NBEA: variants seen among roughly 807,000 people sequenced by gnomAD.
NBEA encodes lysosomal-trafficking regulator 2.
NBEA carries 44 observed loss-of-function variants against 343.4 expected under a neutral mutation model. The ratio of observed to expected loss-of-function variants is 0.13; its 90% confidence interval spans 0.10 to 0.16. The LOEUF is 0.16. Among genes scored for constraint, NBEA ranks in the 10% least tolerant of loss-of-function variants. NBEA has a pLI of 1.00. For synonymous variants in NBEA, 1,175 were observed against 1,238.7 expected, an observed-to-expected ratio of 0.95 and a Z score of 1.08; for missense variants, 2,555 against 3,631.3, an observed-to-expected ratio of 0.70 and a Z score of 7.62.
In NBEA at chr13:35,645,868, G is replaced by T. The variant is rs138771641; in HGVS notation, c.7618-1G>T. 3.4e-4 allele frequency: 528 copies of T among 1,559,362 alleles called. 3 individuals carry two copies. In the African/African-American group the frequency reaches 6.5e-3, roughly 19 times the overall value. On this transcript the variant is annotated splice_acceptor_variant, in intron 49 of 58. Coordinates refer to ENST00000379939, the MANE Select transcript of NBEA (RefSeq NM_001385012.1). LOFTEE classifies it high-confidence loss of function. ...TCTCATTCTTTTTTTTCCCCATTAA[G>T]ATTCCAGAAGCTTATTTCATTAGAG...
intron 36 of NBEA, among the ~76,000 whole-genome samples, chr13:35,345,844 T>C (rs1220928093): frequency 6.6e-6 from 1 of 152,118 alleles, no homozygotes; most frequent in Non-Finnish European, 1.5e-5. Context: ...AAGCTACTTA[T>C]GGCCATTGGA....
At chr13:35,564,561 A>C (rs1420890160) in intron 44 of NBEA, among the ~76,000 whole-genome samples, 10 of 152,180 alleles carry the variant, frequency 6.6e-5, no homozygotes, top group African/African-American at 2.4e-4. Context: ...TAAATTTTCA[A>C]GTTTAGAATT....
chr13:35,199,397 A>T (rs568429825), intron 31 of NBEA, among the ~76,000 whole-genome samples: 1 of 152,164 alleles, frequency 6.6e-6, no homozygotes, highest in East Asian at 1.9e-4. Context: ...CACAGAATCT[A>T]TCATGGGTCT....
chr13:35,059,656 A>T (rs1293985968), intron 8 of NBEA, among the ~76,000 whole-genome samples: 16 of 151,592 alleles, frequency 1.1e-4, no homozygotes, highest in Non-Finnish European at 1.8e-4. Context: ...TAATGTGAAG[A>T]TTGTGTAATG....
At position 35,004,293 on chromosome 13, in the gene NBEA, C is replaced by G. The variant is rs113495175; in HGVS notation, c.295-36640C>G. On this transcript the variant is annotated intron_variant, in intron 1 of 58. Transcript: ENST00000379939. ...GATTTATATTCCTTGGGTGTATACC[C>G]AGGAATGGGATTGCTGGGTCAAATG... is the stretch of plus-strand genomic sequence containing the variant. Among the ~76,000 whole-genome samples the G allele has an allele frequency of 6.4e-3, 968 of 152,210 alleles. 11 individuals are homozygous for G. Among genetic ancestry groups the G allele is most frequent in the African/African-American group, 0.022 (928 of 41,526 alleles).
intron 45 of NBEA, among the ~76,000 whole-genome samples, chr13:35,582,082 T>A (rs2081078116): frequency 6.6e-6 from 1 of 151,912 alleles, no homozygotes; most frequent in South Asian, 2.1e-4. Context: ...GTCAGGAGAT[T>A]GAGACCATCC....
chr13:35,099,389 A>G (rs1234923864), intron 11 of NBEA, among the ~76,000 whole-genome samples: 6 of 151,908 alleles, frequency 3.9e-5, no homozygotes, highest in East Asian at 1.9e-4. Flanking sequence ...TAGTAGAGAC[A>G]GGGTTTCACC....
chr13:35,364,432 G>A (rs1035306597), intron 38 of NBEA, among the ~76,000 whole-genome samples: 2 of 151,840 alleles, frequency 1.3e-5, no homozygotes, highest in African/African-American at 2.4e-5. Flanking sequence ...AAATAATAGA[G>A]TGTACTTAAT....
chr13:35,214,020 GTCTT>G (rs1315278448), intron 33 of NBEA, among the ~76,000 whole-genome samples: 2 of 151,878 alleles, frequency 1.3e-5, no homozygotes, highest in Non-Finnish European at 2.9e-5. Flanking sequence ...TTTGGTGTCT[GTCTT>G]CTTTCATTCA....
chr13:35,072,451 C>T (rs1180973944), intron 10 of NBEA, among the ~76,000 whole-genome samples: 1 of 151,968 alleles, frequency 6.6e-6, no homozygotes, highest in Non-Finnish European at 1.5e-5. Context: ...AGTCAGCATA[C>T]CTATTTTCAT....
chr13:35,385,662 C>A (rs1018496341), intron 38 of NBEA, among the ~76,000 whole-genome samples: 1 of 152,030 alleles, frequency 6.6e-6, no homozygotes, highest in South Asian at 2.1e-4. Context: ...ATGATCACAT[C>A]GCTGCACTCC....
chr13:35,138,235 ATAG>A (rs2067854647), intron 17 of NBEA, among the ~76,000 whole-genome samples: 1 of 152,118 alleles, frequency 6.6e-6, no homozygotes, highest in African/African-American at 2.4e-5. Context: ...TTATACCTTA[ATAG>A]TAGAAATATA....
intron 10 of NBEA, among the ~76,000 whole-genome samples, chr13:35,074,313 A>C (rs2064013548): frequency 6.6e-6 from 1 of 152,150 alleles, no homozygotes; most frequent in African/African-American, 2.4e-5. Context: ...CATACATCTT[A>C]TTGAGTACAT....
At chr13:35,563,147 A>G (rs542654911) in intron 44 of NBEA, among the ~76,000 whole-genome samples, 6 of 149,798 alleles carry the variant, frequency 4.0e-5, no homozygotes, top group African/African-American at 7.4e-5. Flanking sequence ...AGATAGATAG[A>G]TAGATAGATA....
chr13:35,352,732 A>T (rs1242541020), intron 38 of NBEA, among the ~76,000 whole-genome samples: 1 of 152,098 alleles, frequency 6.6e-6, no homozygotes, highest in Non-Finnish European at 1.5e-5. Flanking sequence ...ATAAGCATAT[A>T]CTACAGAGAA....
At chr13:35,274,059 CAAAA>C (rs967556309) in intron 34 of NBEA, among the ~76,000 whole-genome samples, 1 of 151,874 alleles carries the variant, frequency 6.6e-6, no homozygotes, top group African/African-American at 2.4e-5. Flanking sequence ...AGAGACACAA[CAAAA>C]AAAGAATTTT....
chr13:35,153,420 A>G (rs141508608), intron 18 of NBEA, among the ~76,000 whole-genome samples: 2 of 152,300 alleles, frequency 1.3e-5, no homozygotes, highest in East Asian at 3.9e-4. Flanking sequence ...AATTAAATAA[A>G]TTGCTACTAG....
chr13:35,200,881 T>G (rs182111740), intron 31 of NBEA, among the ~76,000 whole-genome samples: 9 of 152,064 alleles, frequency 5.9e-5, no homozygotes, highest in Admixed American at 3.9e-4. Context: ...GGATGAAATT[T>G]CAGGGTAAAT....
At chr13:35,460,642 A>G (rs2046851824) in intron 40 of NBEA, among the ~76,000 whole-genome samples, 4 of 152,170 alleles carry the variant, frequency 2.6e-5, no homozygotes. Flanking sequence ...GTCCCCTTCA[A>G]CCATGATTCC....
Sources: gnomAD v4.1 joint callset for allele counts (sites outside exome capture counted in the v4.1 genomes callset) on GRCh38, gnomAD v4.1.1 for gene constraint, MANE v1.5 for transcripts, NCBI Gene and HGNC (gene_info 2026-07-23, HGNC 2026-07-21) for gene names.